Variants in ANK2 observed in about 807,000 individuals in gnomAD.
ANK2 encodes ankyrin-2.
Under a neutral mutation model 360.5 loss-of-function variants are expected in ANK2, and 83 were observed. The ratio of observed to expected loss-of-function variants is 0.23; its 90% CI spans 0.19 to 0.28. The LOEUF is 0.28. ANK2 is among the 10% of genes least tolerant of loss of function. The probability of loss-of-function intolerance (pLI) is 1.00; values close to 1 mark genes in which losing one functional copy is unlikely to be tolerated. For synonymous variants in ANK2, 1,740 were observed against 1,759.5 expected, an observed-to-expected ratio of 0.99 and a Z score of 0.28; for missense variants, 4,201 against 4,795.7, an observed-to-expected ratio of 0.88 and a Z score of 3.66.
At chr4:112,967,422 C>T (rs888911499) in intron 2 of ANK2, among the ~76,000 whole-genome samples, 1 of 152,222 alleles carries the variant, frequency 6.6e-6, no homozygotes, top group African/African-American at 2.4e-5. Flanking sequence ...AGCGTAATAA[C>T]CTTTTCCCTC....
rs866137243 is a variant in ANK2, at chr4:113,311,132, T to G, written c.2549-123T>G. ...TGTTTGCTGGTGTTCTGTGTTCTAG[T>G]GTGCAGTGCAGTTTCATCAAGGTCA... On this transcript the variant is annotated intron_variant, in intron 23 of 45. Coordinates refer to ENST00000357077, the MANE Select transcript of ANK2 (RefSeq NM_001148.6). 1.9e-5 allele frequency: 23 copies of G among 1,183,412 alleles called. No individual in the cohort carries two copies. In the Middle Eastern group the frequency reaches 2.3e-3, roughly 119 times the overall value. 73.3% of individuals were successfully genotyped at this position (1,183,412 alleles called of 1,614,324 possible). A position where few individuals can be genotyped will look rare whatever the true frequency, so the allele number is the denominator to read the frequency against.
chr4:112,882,017 C>T, intron 1 of ANK2: 1 of 507,494 alleles, frequency 2.0e-6, no homozygotes, highest in Non-Finnish European at 3.6e-6. Context: ...TGTCTACTTA[C>T]CACACAATCT....
At chr4:112,973,408 G>A (rs931482462) in intron 2 of ANK2, among the ~76,000 whole-genome samples, 4 of 152,172 alleles carry the variant, frequency 2.6e-5, no homozygotes, top group East Asian at 1.9e-4. Flanking sequence ...CAAGATGTTC[G>A]TGTATGTAGC....
chr4:113,115,176 CT>C (rs1269004344), intron 1 of ANK2, among the ~76,000 whole-genome samples: 162 of 152,282 alleles, frequency 1.1e-3, no homozygotes, highest in East Asian at 7.7e-4. Context: ...GGTGACTCCC[CT>C]GGCCAAGGAG....
At chr4:113,173,208 T>C (rs1260631919) in intron 1 of ANK2, among the ~76,000 whole-genome samples, 1 of 152,226 alleles carries the variant, frequency 6.6e-6, no homozygotes, top group Non-Finnish European at 1.5e-5. Context: ...AGTCTTTCCA[T>C]GTGTAAATCA....
intron 2 of ANK2, among the ~76,000 whole-genome samples, chr4:113,030,992 A>G (rs1461542199): frequency 6.6e-6 from 1 of 152,022 alleles, no homozygotes; most frequent in African/African-American, 2.4e-5. Context: ...AGTGATAGAT[A>G]TTATGAGAGA....
chr4:112,891,025 C>T (rs2079886844), intron 1 of ANK2, among the ~76,000 whole-genome samples: 1 of 152,150 alleles, frequency 6.6e-6, no homozygotes, highest in Non-Finnish European at 1.5e-5. Flanking sequence ...ATCTTTTTGA[C>T]AGTTTTTTAT....
At chr4:112,805,764 T>G in the ANK2 span, among the ~76,000 whole-genome samples, 1 of 152,074 alleles carries the variant, frequency 6.6e-6, no homozygotes, top group African/African-American at 2.4e-5. Flanking sequence ...GTATTTTTAG[T>G]AGAGACAGTG....
chr4:112,792,033 CTTTTTTTT>C, the ANK2 span, among the ~76,000 whole-genome samples: 5 of 65,996 alleles, frequency 7.6e-5, no homozygotes, highest in East Asian at 5.5e-4. Context: ...CACATCCTTT[CTTTTTTTT>C]TTTTTTTTTT....
At chr4:112,933,086 T>C (rs988095844) in intron 2 of ANK2, among the ~76,000 whole-genome samples, 1 of 152,214 alleles carries the variant, frequency 6.6e-6, no homozygotes, top group Non-Finnish European at 1.5e-5. Context: ...AAGAAATTGT[T>C]GTTACTTTTG....
At chr4:112,921,708 A>G (rs796146999) in intron 2 of ANK2, among the ~76,000 whole-genome samples, 2 of 150,878 alleles carry the variant, frequency 1.3e-5, no homozygotes, top group African/African-American at 4.9e-5. Flanking sequence ...TGCATTATCC[A>G]CTATTTTTTC....
intron 26 of ANK2, 93 bp from the exon 27 acceptor site, chr4:113,330,153 T>G: frequency 2.4e-6 from 3 of 1,237,000 alleles, no homozygotes; most frequent in Non-Finnish European, 3.5e-6. Flanking sequence ...AGAGAGATTT[T>G]GAGACAAAGC....
In ANK2 at chr4:113,264,162, A is replaced by G. The variant is rs116447087; in HGVS notation, c.1387-735A>G. Among the ~76,000 whole-genome samples, 1,059 of 152,298 alleles carry G rather than the reference A, an allele frequency of 7.0e-3. 8 individuals are homozygous for G. The highest frequency in any genetic ancestry group is 0.01 in the African/African-American group (420 of 41,558). On this transcript the variant is annotated intron_variant, in intron 13 of 45. Coordinates refer to ENST00000357077, the MANE Select transcript of ANK2 (RefSeq NM_001148.6). ...ATAGAGGACCTCCTGGGCAAATCAA[A>G]TTTCTTGTCTGATCCATTTTTGTCT...
rs776522358 is a variant in ANK2, at chr4:113,365,022, T to A, written c.10889-17T>A. ...TACCTCTCAGACATAATAAATGCTG[T>A]TTCTCTAATGTGTCAGATACCAACC... is the stretch of plus-strand genomic sequence containing the variant. On this transcript the variant is annotated splice_polypyrimidine_tract_variant and intron_variant, in intron 40 of 45. Coordinates refer to ENST00000357077, the MANE Select transcript of ANK2 (RefSeq NM_001148.6). The A allele has an allele frequency of 8.7e-6, 14 of 1,613,626 alleles. No individual in the cohort carries two copies. In the Admixed American group the frequency reaches 2.3e-4, roughly 27 times the overall value.
chr4:112,744,974 A>G, the ANK2 span, among the ~76,000 whole-genome samples: 1 of 152,110 alleles, frequency 6.6e-6, no homozygotes, highest in Non-Finnish European at 1.5e-5. Context: ...GTCATTTTCT[A>G]TTGGTGTTTT....
chr4:113,332,940 G>A, intron 28 of ANK2, 114 bp from the exon 29 acceptor site: 2 of 1,499,784 alleles, frequency 1.3e-6, no homozygotes, highest in East Asian at 2.3e-5. Context: ...GGCCCACTAT[G>A]TCCCTGTCCC....
chr4:112,742,917 G>C, the ANK2 span, among the ~76,000 whole-genome samples: 1 of 151,908 alleles, frequency 6.6e-6, no homozygotes, highest in South Asian at 2.1e-4. Context: ...TAGAGATGGG[G>C]GTTTCACCAT....
intron 2 of ANK2, among the ~76,000 whole-genome samples, chr4:113,007,123 T>C (rs2053154263): frequency 6.6e-6 from 1 of 152,236 alleles, no homozygotes; most frequent in African/African-American, 2.4e-5. Flanking sequence ...TCTTTTTGGG[T>C]ACATACTTTG....
At chr4:112,974,760 CTTGCATTCTTCATAGAAA>C (rs2040759153) in intron 2 of ANK2, among the ~76,000 whole-genome samples, 1 of 151,830 alleles carries the variant, frequency 6.6e-6, no homozygotes, top group Admixed American at 6.6e-5. Flanking sequence ...CTGTAGAGAA[CTTGCATTCTTCATAGAAA>C]TGTCTTCTCT....
Sources: allele counts gnomAD v4.1 joint callset (sites outside exome capture counted in the v4.1 genomes callset), GRCh38; gene constraint gnomAD v4.1.1; transcripts MANE v1.5; gene names NCBI Gene and HGNC (gene_info 2026-07-23, HGNC 2026-07-21).